The following POFUT2 variants were observed in gnomAD, a reference collection of about 807,000 sequenced individuals.
The protein encoded by POFUT2 is protein O-fucosyltransferase 2, also known as GDP-fucose protein O-fucosyltransferase 2.
Under a neutral mutation model 55.0 loss-of-function variants are expected in POFUT2, and 30 were observed. That is an observed-to-expected ratio of 0.55 (90% CI 0.41 to 0.74). The LOEUF (loss-of-function observed/expected upper bound fraction) is 0.74, where lower values mean the gene tolerates loss of function less well. Ranked by LOEUF, POFUT2 falls within the 30% of genes least tolerant of loss-of-function variation. The pLI, the probability that POFUT2 is intolerant of heterozygous loss-of-function variation, is 0.00. For synonymous variants in POFUT2, 267 were observed against 231.1 expected (o/e 1.16, Z -1.41); for missense variants, 524 against 562.6 (o/e 0.93, Z 0.69).
At position 45,277,298 on chromosome 21, in the gene POFUT2, CGGTGGAG is replaced by C; in HGVS notation, c.706-163_706-157del. ...GTCGCCTGAGAAGCAGCGCCATCCA[CGGTGGAG>C]GCTCTTGGAGGGTCTCCTGCATGAA... is the stretch of plus-strand genomic sequence containing the variant. On this transcript the variant is annotated intron_variant, in intron 5 of 8. Coordinates refer to ENST00000349485, the MANE Select transcript of POFUT2 (RefSeq NM_133635.6). This position sits in a 1 kb window ranked among gnomAD's most constrained non-coding sequence, Gnocchi z 6.9. 1 of 984,144 alleles carries C rather than the reference CGGTGGAG, an allele frequency of 1.0e-6. No individual in the cohort carries two copies. Among genetic ancestry groups the C allele is most frequent in the Admixed American group, 2.7e-5 (1 of 36,550 alleles). The allele number at this position is 984,144 out of a possible 1,614,324, so 61.0% of individuals were successfully genotyped here. A position where few individuals can be genotyped will look rare whatever the true frequency, so the allele number is the denominator to read the frequency against.
At chr21:45,287,250 C>T (rs1466054233) in intron 1 of POFUT2, among the ~76,000 whole-genome samples, 1 of 126,842 alleles carries the variant, frequency 7.9e-6, no homozygotes, top group African/African-American at 3.1e-5. Context: ...CTTCTTGGCC[C>T]CGGCTCCCGC....
rs1483133380 is a variant in POFUT2, at chr21:45,287,781, A to G, written c.91T>C (p.Ser31Pro). 6.5e-6 allele frequency: 9 copies of G among 1,387,584 alleles called. No individual in the cohort carries two copies. The highest frequency in any genetic ancestry group is 8.6e-6 in the Non-Finnish European group (9 of 1,050,154). The allele number at this position is 1,387,584 out of a possible 1,614,324, so 86.0% of individuals were successfully genotyped here. A position where few individuals can be genotyped will look rare whatever the true frequency, so the allele number is the denominator to read the frequency against. The change falls in exon 1 of 9, where the codon TCG (serine) becomes CCG (proline). Residue 31 changes from serine (S) to proline (P), a missense_variant. Ser to Pro is a moderately conservative substitution (Grantham distance 74). Coordinates refer to ENST00000349485, the MANE Select transcript of POFUT2 (RefSeq NM_133635.6). ...ASGQEFWPGQSAADILSGAAS... is the reference protein window; with the variant it reads ...ASGQEFWPGQPAADILSGAAS... ...GCCCCCGACAGAATATCGGCCGCCG[A>G]TTGTCCGGGCCAGAACTCCTGGCCG...
intron 7 of POFUT2, among the ~76,000 whole-genome samples, chr21:45,269,597 G>A (rs575143418): frequency 1.3e-5 from 2 of 151,704 alleles, no homozygotes; most frequent in Admixed American, 6.5e-5. Context: ...CAGCATGCTC[G>A]TTAAGAGTCA....
chr21:45,283,399 T>C lies in POFUT2; in HGVS notation c.511A>G (p.Lys171Glu). 1 of 1,610,202 alleles carries C rather than the reference T, an allele frequency of 6.2e-7. No individual in the cohort carries two copies. Among genetic ancestry groups the C allele is most frequent in the Non-Finnish European group, 8.5e-7 (1 of 1,178,570 alleles). Residue 171 changes from lysine to glutamate, a missense_variant, in exon 3 of 9, where the codon AAG (lysine) becomes GAG (glutamate). Around this residue, in one of 2 missense-constraint regions of POFUT2, gnomAD observed 274 missense variants for 244.4 expected, o/e 1.12. Coordinates refer to ENST00000349485, the MANE Select transcript of POFUT2 (RefSeq NM_133635.6). ...AGCAGGCACCTGTAGTACTCGTGCTTGTCCTGGGAGTACAGGAGCTGATCA... is the reference window on the plus strand; with the variant it reads ...AGCAGGCACCTGTAGTACTCGTGCTCGTCCTGGGAGTACAGGAGCTGATCA... The part of the protein sequence containing the change: ...CIDQLLYSQD[K>E]HEYYRGWFWG...
Position 45,281,906 on chromosome 21 carries a change from G to C in POFUT2, c.638+443C>G, listed in dbSNP as rs2030688680. Among the ~76,000 whole-genome samples the C allele has an allele frequency of 6.6e-6, 1 of 152,156 alleles. No homozygotes were observed. The highest frequency in any genetic ancestry group is 6.5e-5 in the Admixed American group (1 of 15,282). On this transcript the variant is annotated intron_variant, in intron 4 of 8. Transcript: ENST00000349485. The surrounding 1 kb of genome is among the most constrained non-coding windows in gnomAD (Gnocchi z 5.0). ...CTCACCAGGCCGGCGACCACTTGAGGCAGACGCATGGCCAAAGGTGGCTGC... is the reference window on the plus strand; with the variant it reads ...CTCACCAGGCCGGCGACCACTTGAGCCAGACGCATGGCCAAAGGTGGCTGC...
At chr21:45,269,197 C>T (rs1435912232) in intron 7 of POFUT2, among the ~76,000 whole-genome samples, 26 of 138,436 alleles carry the variant, frequency 1.9e-4, no homozygotes, top group Non-Finnish European at 2.0e-4. Context: ...CCAGCCGCCC[C>T]GTCCGGGAGG....
At position 45,264,420 on chromosome 21, in the gene POFUT2, A is replaced by C. The variant is rs1300207913; in HGVS notation, c.*1062T>G. 6.6e-6 allele frequency: 1 copy of C among 152,146 alleles called. No homozygotes were observed. Among genetic ancestry groups the C allele is most frequent in the South Asian group, 2.1e-4 (1 of 4,824 alleles). The allele number at this position is 152,146 out of a possible 1,614,324, so 9.4% of individuals were successfully genotyped here. On this transcript the variant is annotated 3_prime_UTR_variant, in exon 9 of 9. Transcript: ENST00000349485. ...CCCCTGAGGCACTGCTGCACCTTCC[A>C]CGGATTCTGTGTCTAGCGTTGCCCT...
chr21:45,285,741 A>T lies in POFUT2; in HGVS notation c.319T>A (p.Phe107Ile), dbSNP rs1227179564. 4.3e-6 allele frequency: 7 copies of T among 1,613,796 alleles called. No individual in the cohort carries two copies. The highest frequency in any genetic ancestry group is 5.9e-6 in the Non-Finnish European group (7 of 1,180,006). The stretch of plus-strand genomic sequence containing the variant: ...TTATTGAGACTTGGAAGATCAAAAA[A>T]CTCAGACCAGGGAATCCGGACCTGG... Reference protein sequence around the residue: ...IHQVRIPWSEFFDLPSLNKNI... With the variant: ...IHQVRIPWSEIFDLPSLNKNI... The change falls in exon 2 of 9, where the codon TTT becomes ATT. Residue 107 changes from phenylalanine to isoleucine, a missense_variant. Transcript: ENST00000349485. The surrounding 1 kb of genome is among the most constrained non-coding windows in gnomAD (Gnocchi z 4.9).
Position 45,265,798 on chromosome 21 carries a change from T to C in POFUT2, c.1137-163A>G, listed in dbSNP as rs2093148365. On this transcript the variant is annotated intron_variant, in intron 8 of 8. Coordinates refer to ENST00000349485, the MANE Select transcript of POFUT2 (RefSeq NM_133635.6). The surrounding 1 kb of genome is among the most constrained non-coding windows in gnomAD (Gnocchi z 4.6). Reference sequence around the variant, plus strand: ...ACCCACCAGCCGGCCGCCCCCTTGCTGGCACCCCTCGCTCAGGTGCCCTCG... The same window carrying C: ...ACCCACCAGCCGGCCGCCCCCTTGCCGGCACCCCTCGCTCAGGTGCCCTCG... 1 of 1,425,184 alleles carries C rather than the reference T, an allele frequency of 7.0e-7. No individual in the cohort carries two copies. The highest frequency in any genetic ancestry group is 2.9e-5 in the Admixed American group (1 of 34,882). 88.3% of individuals were successfully genotyped at this position (1,425,184 alleles called of 1,614,324 possible).
In POFUT2 at chr21:45,282,102, C is replaced by A. The variant is rs1267395663; in HGVS notation, c.638+247G>T. ...CTCAGCCCCTCCCTGTGCACCTGGC[C>A]GGGCCGAGCCCTCACCTCTGTGCCC... is the stretch of plus-strand genomic sequence containing the variant. On this transcript the variant is annotated intron_variant, in intron 4 of 8. Transcript: ENST00000349485. The surrounding 1 kb of genome is among the most constrained non-coding windows in gnomAD (Gnocchi z 4.6). 6.6e-6 allele frequency among the ~76,000 whole-genome samples: 1 copy of A among 151,926 alleles called. No homozygotes were observed. Among genetic ancestry groups the A allele is most frequent in the Non-Finnish European group, 1.5e-5 (1 of 67,940 alleles).
In POFUT2 at chr21:45,277,933, C is replaced by T. The variant is rs1262771785; in HGVS notation, c.705+170G>A. Among the ~76,000 whole-genome samples, 3 of 152,152 alleles carry T rather than the reference C, an allele frequency of 2.0e-5. No individual in the cohort carries two copies. The highest frequency in any genetic ancestry group is 2.1e-4 in the South Asian group (1 of 4,832). ...TCCCGAGGACCTGGCTCTGCAGCCA[C>T]GTGAGGCTTGGGGGTGGCACAGTCA... On this transcript the variant is annotated intron_variant, in intron 5 of 8. Coordinates refer to ENST00000349485, the MANE Select transcript of POFUT2 (RefSeq NM_133635.6). This position sits in a 1 kb window ranked among gnomAD's most constrained non-coding sequence, Gnocchi z 6.9.
chr21:45,267,188 G>A lies in POFUT2; in HGVS notation c.1136+402C>T, dbSNP rs1018190684. The A allele has an allele frequency of 9.5e-5, 129 of 1,353,140 alleles. No individual in the cohort carries two copies. Among genetic ancestry groups the A allele is most frequent in the Non-Finnish European group, 1.2e-4 (124 of 1,049,658 alleles). 83.8% of individuals were successfully genotyped at this position (1,353,140 alleles called of 1,614,324 possible). On this transcript the variant is annotated intron_variant, in intron 8 of 8. Coordinates refer to ENST00000349485, the MANE Select transcript of POFUT2 (RefSeq NM_133635.6). The surrounding 1 kb of genome is among the most constrained non-coding windows in gnomAD (Gnocchi z 4.4). ...TGATCACACGAGGGCCCACGCTCCCGGCCTCGGGGACGCTCACGGATGCTC... is the reference window on the plus strand; with the variant it reads ...TGATCACACGAGGGCCCACGCTCCCAGCCTCGGGGACGCTCACGGATGCTC...
intron 7 of POFUT2, among the ~76,000 whole-genome samples, chr21:45,268,057 T>A (rs2093173887): frequency 6.6e-6 from 1 of 151,994 alleles, no homozygotes; most frequent in Admixed American, 6.5e-5. Context: ...AAAGCTGGAC[T>A]GTGCTGCTGC....
At chr21:45,280,154 C>G (rs1291647070) in intron 4 of POFUT2, among the ~76,000 whole-genome samples, 1 of 152,226 alleles carries the variant, frequency 6.6e-6, no homozygotes, top group African/African-American at 2.4e-5. Context: ...GGTGGAGGAA[C>G]AAGGAGGAAG....
rs760933615 is a variant in POFUT2, at chr21:45,284,768, G to A, written c.382+910C>T. Among the ~76,000 whole-genome samples, 1 of 152,192 alleles carries A rather than the reference G, an allele frequency of 6.6e-6. No homozygotes were observed. The highest frequency in any genetic ancestry group is 1.5e-5 in the Non-Finnish European group (1 of 68,028). ...CCCAACCACAGCTTTCATCTTCCAGGACTCACAAGCAAATTTTAAAGTCAA... is the reference window on the plus strand; with the variant it reads ...CCCAACCACAGCTTTCATCTTCCAGAACTCACAAGCAAATTTTAAAGTCAA... On this transcript the variant is annotated intron_variant, in intron 2 of 8. Coordinates refer to ENST00000349485, the MANE Select transcript of POFUT2 (RefSeq NM_133635.6). This position sits in a 1 kb window ranked among gnomAD's most constrained non-coding sequence, Gnocchi z 5.8.
At chr21:45,280,879 G>T (rs965301427) in intron 4 of POFUT2, among the ~76,000 whole-genome samples, 1 of 152,200 alleles carries the variant, frequency 6.6e-6, no homozygotes, top group Admixed American at 6.5e-5. Context: ...TATCAAATGT[G>T]CTGCAGGACC....
At chr21:45,271,335 A>G (rs1259273449) in intron 6 of POFUT2, among the ~76,000 whole-genome samples, 1 of 152,232 alleles carries the variant, frequency 6.6e-6, no homozygotes, top group South Asian at 2.1e-4. Context: ...AAATTAGCCC[A>G]ATCCAACAAA....
At chr21:45,283,209 T>TG (rs35743474) in intron 3 of POFUT2, 174 bp downstream of exon 3, 1 of 263,812 alleles carries the variant, frequency 3.8e-6, no homozygotes, top group Non-Finnish European at 6.9e-6. Flanking sequence ...CCGGGGGGAG[T>TG]GGGGGGTGAA....
chr21:45,272,526 A>G (rs992848538), intron 6 of POFUT2, among the ~76,000 whole-genome samples: 4 of 152,202 alleles, frequency 2.6e-5, no homozygotes, highest in Non-Finnish European at 5.9e-5. Context: ...AAGAAACAAT[A>G]GACTCAAACT....
Sources: allele counts gnomAD v4.1 joint callset (sites outside exome capture counted in the v4.1 genomes callset), GRCh38; gene constraint gnomAD v4.1.1; regional missense constraint gnomAD v4.1.1; non-coding constraint Gnocchi (gnomAD v3.1); transcripts MANE v1.5; gene names NCBI Gene and HGNC (gene_info 2026-07-23, HGNC 2026-07-21).